The following AGPAT4 variants were observed in gnomAD, a reference collection of about 807,000 sequenced individuals.
AGPAT4 encodes 1-acyl-sn-glycerol-3-phosphate acyltransferase delta.
A neutral mutation model predicts 48.0 loss-of-function variants in AGPAT4; 15 were observed. The ratio of observed to expected loss-of-function variants is 0.31; its 90% CI spans 0.21 to 0.48. AGPAT4 has a LOEUF of 0.48. AGPAT4 is among the 20% of genes least tolerant of loss of function. The pLI is 0.99. For synonymous variants in AGPAT4, 178 were observed against 198.7 expected (o/e 0.90, Z 0.88); for missense variants, 314 against 482.5 (o/e 0.65, Z 3.27).
At position 161,134,565 on chromosome 6, in the gene AGPAT4, C is replaced by T. The variant is rs1779005070; in HGVS notation, c.*1975G>A. ...CCCAAGAGGTAGATATCGTCACCCCCATTTTGCAGATGGGGAAATGAGTCA... is the reference window on the plus strand; with the variant it reads ...CCCAAGAGGTAGATATCGTCACCCCTATTTTGCAGATGGGGAAATGAGTCA... On this transcript the variant is annotated 3_prime_UTR_variant, in exon 9 of 9. Coordinates refer to ENST00000320285, the MANE Select transcript of AGPAT4 (RefSeq NM_020133.3). 6.6e-6 allele frequency: 1 copy of T among 152,170 alleles called. No homozygotes were observed. Among genetic ancestry groups the T allele is most frequent in the Non-Finnish European group, 1.5e-5 (1 of 68,052 alleles). 9.4% of individuals were successfully genotyped at this position (152,170 alleles called of 1,614,324 possible). A position where few individuals can be genotyped will look rare whatever the true frequency, so the allele number is the denominator to read the frequency against.
chr6:161,223,031 G>A lies in AGPAT4; in HGVS notation c.178+9005C>T, dbSNP rs557034604. Among the ~76,000 whole-genome samples, 3 of 152,218 alleles carry A rather than the reference G, an allele frequency of 2.0e-5. No individual in the cohort carries two copies. The highest frequency in any genetic ancestry group is 4.1e-4 in the South Asian group (2 of 4,820). On this transcript the variant is annotated intron_variant, in intron 2 of 8. Coordinates refer to ENST00000320285, the MANE Select transcript of AGPAT4 (RefSeq NM_020133.3). The surrounding 1 kb of genome is among the most constrained non-coding windows in gnomAD (Gnocchi z 6.3). ...GCTTGTGATGCTGCTTCACGGGGAC[G>A]TCGCTGCGCCCTGCACAGGATGGCT...
chr6:161,150,684 G>C (rs1220864499), intron 5 of AGPAT4, among the ~76,000 whole-genome samples: 1 of 152,216 alleles, frequency 6.6e-6, no homozygotes, highest in Non-Finnish European at 1.5e-5. Context: ...CCCGCCTTGG[G>C]GCTGAAGGCG....
chr6:161,194,912 T>C (rs1781031311), intron 2 of AGPAT4, among the ~76,000 whole-genome samples: 1 of 152,210 alleles, frequency 6.6e-6, no homozygotes, highest in Non-Finnish European at 1.5e-5. Context: ...CACTTAGCTT[T>C]TAAAGAGGAA....
intron 2 of AGPAT4, among the ~76,000 whole-genome samples, chr6:161,227,141 A>C (rs1471298788): frequency 6.6e-6 from 1 of 152,202 alleles, no homozygotes; most frequent in African/African-American, 2.4e-5. Flanking sequence ...CTGGGATTAG[A>C]ATGGCATACA....
In AGPAT4 at chr6:161,214,517, G is replaced by A. The variant is rs1781593845; in HGVS notation, c.178+17519C>T. ...ATGGTGGCTCATGCCTGTAATCCCA[G>A]CCCTTTGGGAGGTCAAGGCAGGCGG... is the stretch of plus-strand genomic sequence containing the variant. On this transcript the variant is annotated intron_variant, in intron 2 of 8. Transcript: ENST00000320285. The surrounding 1 kb of genome is among the most constrained non-coding windows in gnomAD (Gnocchi z 5.4). 6.6e-6 allele frequency among the ~76,000 whole-genome samples: 1 copy of A among 152,198 alleles called. No homozygotes were observed. Among genetic ancestry groups the A allele is most frequent in the South Asian group, 2.1e-4 (1 of 4,828 alleles).
rs1041726569 is a variant in AGPAT4 at position 161,189,081 on chromosome 6, A to G, written c.179-22664T>C. Among the ~76,000 whole-genome samples, 3 of 152,256 alleles carry G rather than the reference A, an allele frequency of 2.0e-5. No individual in the cohort carries two copies. In the South Asian group the frequency reaches 6.2e-4, roughly 32 times the overall value. ...AAATCTGTGCCTATTTTATATCCCCATCTTTAAAACATCCCTGATAAATCA... is the reference window on the plus strand; with the variant it reads ...AAATCTGTGCCTATTTTATATCCCCGTCTTTAAAACATCCCTGATAAATCA... On this transcript the variant is annotated intron_variant, in intron 2 of 8. Transcript: ENST00000320285. The surrounding 1 kb of genome is among the most constrained non-coding windows in gnomAD (Gnocchi z 5.3).
rs141500341 is a variant in AGPAT4, at chr6:161,217,076, T to C, written c.178+14960A>G. Among the ~76,000 whole-genome samples, 146 of 152,278 alleles carry C rather than the reference T, an allele frequency of 9.6e-4. 1 individual carries two copies. Among genetic ancestry groups the C allele is most frequent in the African/African-American group, 3.3e-3 (137 of 41,564 alleles). ...CTGTCCTTGTCAATTTCCGTTTAGGTGTTTTATCATTAGGGCCTGACTCCG... is the reference window on the plus strand; with the variant it reads ...CTGTCCTTGTCAATTTCCGTTTAGGCGTTTTATCATTAGGGCCTGACTCCG... On this transcript the variant is annotated intron_variant, in intron 2 of 8. Transcript: ENST00000320285. The surrounding 1 kb of genome is among the most constrained non-coding windows in gnomAD (Gnocchi z 4.9).
intron 2 of AGPAT4, among the ~76,000 whole-genome samples, chr6:161,227,334 C>T (rs1782008992): frequency 6.6e-6 from 1 of 152,196 alleles, no homozygotes; most frequent in South Asian, 2.1e-4. Flanking sequence ...TGAACAGATT[C>T]AAAATTGAGG....
chr6:161,244,954 A>G lies in AGPAT4; in HGVS notation c.-89-12652T>C, dbSNP rs1782609473. Among the ~76,000 whole-genome samples, 1 of 152,216 alleles carries G rather than the reference A, an allele frequency of 6.6e-6. No individual in the cohort carries two copies. The highest frequency in any genetic ancestry group is 2.1e-4 in the South Asian group (1 of 4,834). On this transcript the variant is annotated intron_variant, in intron 1 of 8. Transcript: ENST00000320285. This position sits in a 1 kb window ranked among gnomAD's most constrained non-coding sequence, Gnocchi z 4.7. ...ACCAAGGAGATGCGAAGTGATAGCA[A>G]CCAGAGCCAAAGGCCACGTAGCAAA... is the stretch of plus-strand genomic sequence containing the variant.
At chr6:161,252,272 A>G (rs1270968801) in intron 1 of AGPAT4, among the ~76,000 whole-genome samples, 1 of 152,156 alleles carries the variant, frequency 6.6e-6, no homozygotes, top group Non-Finnish European at 1.5e-5. Context: ...CATTTGCTTG[A>G]TTCATGGTTA....
At position 161,139,608 on chromosome 6, in the gene AGPAT4, C is replaced by A; in HGVS notation, c.856G>T (p.Glu286Ter). 6.2e-7 allele frequency: 1 copy of A among 1,602,306 alleles called. No homozygotes were observed. The highest frequency in any genetic ancestry group is 8.5e-7 in the Non-Finnish European group (1 of 1,171,154). The change falls in exon 8 of 9, where the codon GAG becomes TAG. Residue 286 changes from glutamate (E) to a stop codon, truncating the protein, a stop_gained. Transcript: ENST00000320285. LOFTEE classifies it high-confidence loss of function. This position sits in a 1 kb window ranked among gnomAD's most constrained non-coding sequence, Gnocchi z 9.1. ...AAGGTGCCCGTCCTGTAGTACTCCT[C>A]CTGAAAGGCATCCTGGGGGACAGGA... ...KLYQEKDAFQ[E>*]EYYRTGTFPE...
At position 161,235,689 on chromosome 6, in the gene AGPAT4, G is replaced by A. The variant is rs375108076; in HGVS notation, c.-89-3387C>T. On this transcript the variant is annotated intron_variant, in intron 1 of 8. Coordinates refer to ENST00000320285, the MANE Select transcript of AGPAT4 (RefSeq NM_020133.3). This position sits in a 1 kb window ranked among gnomAD's most constrained non-coding sequence, Gnocchi z 6.2. ...TCATGGCGGAAGGCAAAGGGGGAGC[G>A]GGCATCTTACAAGGCAGGAGGAAGA... Among the ~76,000 whole-genome samples, 79 of 152,272 alleles carry A rather than the reference G, an allele frequency of 5.2e-4. No homozygotes were observed. Among genetic ancestry groups the A allele is most frequent in the African/African-American group, 1.7e-3 (70 of 41,556 alleles).
Position 161,217,787 on chromosome 6 carries a change from G to A in AGPAT4, c.178+14249C>T, listed in dbSNP as rs112541844. On this transcript the variant is annotated intron_variant, in intron 2 of 8. Coordinates refer to ENST00000320285, the MANE Select transcript of AGPAT4 (RefSeq NM_020133.3). This position sits in a 1 kb window ranked among gnomAD's most constrained non-coding sequence, Gnocchi z 4.9. The stretch of plus-strand genomic sequence containing the variant: ...AGTCCAGCCAGAAACCTCCTCCCCT[G>A]ACCCCGCCTGCCCAGGCCACTGCCC... 0.012 allele frequency among the ~76,000 whole-genome samples: 1,769 copies of A among 152,322 alleles called. 35 individuals carry two copies. Among genetic ancestry groups the A allele is most frequent in the African/African-American group, 0.04 (1,670 of 41,574 alleles).
rs58550351 is a variant in AGPAT4, at chr6:161,240,221, TAC to T, written c.-89-7921_-89-7920del. 0.15 allele frequency among the ~76,000 whole-genome samples: 20,961 copies of T among 143,950 alleles called. 1,362 individuals are homozygous for T. The highest frequency in any genetic ancestry group is 0.24 in the Middle Eastern group (66 of 274). The allele number at this position is 143,950 out of a possible 152,430, so 94.4% of individuals were successfully genotyped here. On this transcript the variant is annotated intron_variant, in intron 1 of 8. Transcript: ENST00000320285. This position sits in a 1 kb window ranked among gnomAD's most constrained non-coding sequence, Gnocchi z 5.5. The stretch of plus-strand genomic sequence containing the variant: ...CACTAACAGCAGATATCTTTGTGTA[TAC>T]ACACACACACACACACACACACACA...
chr6:161,157,739 G>A (rs1348850064), intron 3 of AGPAT4, among the ~76,000 whole-genome samples: 1 of 152,170 alleles, frequency 6.6e-6, no homozygotes, highest in Non-Finnish European at 1.5e-5. Flanking sequence ...AAAATATTAA[G>A]GTAGAAGCTT....
At chr6:161,186,867 A>T (rs1187883813) in intron 2 of AGPAT4, among the ~76,000 whole-genome samples, 1 of 152,074 alleles carries the variant, frequency 6.6e-6, no homozygotes, top group Non-Finnish European at 1.5e-5. Context: ...TTCCTTTCTA[A>T]AGGATGTCCA....
Position 161,242,300 on chromosome 6 carries a change from A to G in AGPAT4, c.-89-9998T>C, listed in dbSNP as rs145488949. Reference sequence around the variant, plus strand: ...GTCTCACGCTCTTAATGCTGCCTATAAGACAAGAAGCCCAACATGATAGAC... The same window carrying G: ...GTCTCACGCTCTTAATGCTGCCTATGAGACAAGAAGCCCAACATGATAGAC... On this transcript the variant is annotated intron_variant, in intron 1 of 8. Transcript: ENST00000320285. The surrounding 1 kb of genome is among the most constrained non-coding windows in gnomAD (Gnocchi z 5.0). 1.3e-5 allele frequency among the ~76,000 whole-genome samples: 2 copies of G among 152,298 alleles called. No individual in the cohort carries two copies. Among genetic ancestry groups the G allele is most frequent in the Non-Finnish European group, 2.9e-5 (2 of 68,026 alleles).
At position 161,235,589 on chromosome 6, in the gene AGPAT4, T is replaced by C. The variant is rs758533352; in HGVS notation, c.-89-3287A>G. On this transcript the variant is annotated intron_variant, in intron 1 of 8. Coordinates refer to ENST00000320285, the MANE Select transcript of AGPAT4 (RefSeq NM_020133.3). The surrounding 1 kb of genome is among the most constrained non-coding windows in gnomAD (Gnocchi z 6.2). ...CAATTTATAAAGAAAAGAGGTTTAA[T>C]TGGCTCATGGTTCTGCAGGCTGTAC... is the stretch of plus-strand genomic sequence containing the variant. Among the ~76,000 whole-genome samples the C allele has an allele frequency of 3.9e-5, 6 of 152,224 alleles. No individual in the cohort carries two copies. The highest frequency in any genetic ancestry group is 8.8e-5 in the Non-Finnish European group (6 of 68,044).
Position 161,254,981 on chromosome 6 carries a change from C to G in AGPAT4, c.-90+18957G>C, listed in dbSNP as rs1300275130. 6.6e-6 allele frequency among the ~76,000 whole-genome samples: 1 copy of G among 152,176 alleles called. No homozygotes were observed. The highest frequency in any genetic ancestry group is 1.5e-5 in the Non-Finnish European group (1 of 68,040). On this transcript the variant is annotated intron_variant, in intron 1 of 8. Coordinates refer to ENST00000320285, the MANE Select transcript of AGPAT4 (RefSeq NM_020133.3). This position sits in a 1 kb window ranked among gnomAD's most constrained non-coding sequence, Gnocchi z 5.9. ...AAAAAGCCTCAAACTGCAGAACACACCCGGCAAGCTGTTCTTATCGTTCCG... is the reference window on the plus strand; with the variant it reads ...AAAAAGCCTCAAACTGCAGAACACAGCCGGCAAGCTGTTCTTATCGTTCCG...
Sources: gnomAD v4.1 joint callset for allele counts (sites outside exome capture counted in the v4.1 genomes callset) on GRCh38, gnomAD v4.1.1 for gene constraint, Gnocchi (gnomAD v3.1) non-coding constraint, MANE v1.5 for transcripts, NCBI Gene and HGNC (gene_info 2026-07-23, HGNC 2026-07-21) for gene names.